EXOC7: variants seen among roughly 807,000 people sequenced by gnomAD.
EXOC7 encodes the protein exocyst complex component Exo70.
EXOC7 carries 51 observed loss-of-function variants against 87.6 expected under a neutral mutation model. The observed-to-expected ratio is 0.58, with a 90% CI of 0.46 to 0.73. The LOEUF (loss-of-function observed/expected upper bound fraction) is 0.73, where lower values mean the gene tolerates loss of function less well. Among genes scored for constraint, EXOC7 ranks in the 30% least tolerant of loss-of-function variants. The probability of loss-of-function intolerance (pLI) is 0.00; values close to 1 mark genes in which losing one functional copy is unlikely to be tolerated. For missense variants in EXOC7, 744 were observed against 888.4 expected (o/e 0.84, Z 2.07); for synonymous variants, 327 against 357.1 (o/e 0.92, Z 0.95).
Position 76,091,315 on chromosome 17 carries a change from C to A in EXOC7, c.809-80G>T, listed in dbSNP as rs991553336. ...GAAAACAGCAGCGGCCCTCCACCTG[C>A]CCCCCAGGCCCCGCACCCAGCTCCC... On this transcript the variant is annotated intron_variant, in intron 6 of 18. Coordinates refer to ENST00000589210, the MANE Select transcript of EXOC7 (RefSeq NM_001013839.4). The A allele has an allele frequency of 6.9e-6, 8 of 1,160,986 alleles. No homozygotes were observed. In the African/African-American group the frequency reaches 9.1e-5, roughly 13 times the overall value. 71.9% of individuals were successfully genotyped at this position (1,160,986 alleles called of 1,614,324 possible).
In EXOC7 at chr17:76,088,455, A is replaced by G; in HGVS notation, c.1299+9T>C. ...GGGAGGGAGGGAGAAAGGGGAGGAC[A>G]GCAGGGACCTTGATGTTGTCTGCGA... is the stretch of plus-strand genomic sequence containing the variant. On this transcript the variant is annotated intron_variant, in intron 10 of 18. Transcript: ENST00000589210. The G allele has an allele frequency of 6.2e-7, 1 of 1,612,802 alleles. No homozygotes were observed. The highest frequency in any genetic ancestry group is 8.5e-7 in the Non-Finnish European group (1 of 1,179,188).
chr17:76,084,627 A>C, intron 15 of EXOC7, 47 bp from the exon 16 acceptor site: 2 of 1,567,826 alleles, frequency 1.3e-6, no homozygotes, highest in Non-Finnish European at 1.8e-6. Flanking sequence ...GGCCTGCCTC[A>C]GTGGCCTGGC....
intron 15 of EXOC7, 114 bp downstream of exon 15, chr17:76,085,200 G>A (rs2067155235): frequency 3.6e-6 from 3 of 823,604 alleles, no homozygotes; most frequent in South Asian, 3.2e-5. Context: ...GGAGGATTAG[G>A]GTCCAGAGGA....
chr17:76,090,877 C>T (rs2067447236), intron 7 of EXOC7: 2 of 551,968 alleles, frequency 3.6e-6, no homozygotes, highest in Non-Finnish European at 6.5e-6. Flanking sequence ...TTTCTGAGTT[C>T]ACACAGGAGA....
Position 76,089,241 on chromosome 17 carries a change from C to T in EXOC7, c.981G>A (p.Glu327=). ...VSAFVKLAQS[E]YQLLADIIPE... The stretch of plus-strand genomic sequence containing the variant: ...GGATGATGTCGGCCAGCAGCTGGTA[C>T]TCGCTCTGCGCCAGCTTGACGAAGG... The change falls in exon 8 of 19, where the codon GAG becomes GAA. Residue 327 remains glutamate, a synonymous_variant. Coordinates refer to ENST00000589210, the MANE Select transcript of EXOC7 (RefSeq NM_001013839.4). 6.2e-7 allele frequency: 1 copy of T among 1,614,116 alleles called. No individual in the cohort carries two copies. The highest frequency in any genetic ancestry group is 8.5e-7 in the Non-Finnish European group (1 of 1,180,004).
At chr17:76,101,109 G>A in intron 4 of EXOC7, 162 bp downstream of exon 4, 1 of 1,245,394 alleles carries the variant, frequency 8.0e-7, no homozygotes, top group Non-Finnish European at 1.0e-6. Context: ...TAAAAAATGT[G>A]CAATTCTTGA....
chr17:76,089,086 G>A, intron 8 of EXOC7, 89 bp downstream of exon 8: 1 of 1,575,890 alleles, frequency 6.3e-7, no homozygotes, highest in Non-Finnish European at 8.6e-7. Flanking sequence ...GCACGAGGTG[G>A]TGGTGGTGGG....
intron 7 of EXOC7, 55 bp from the exon 8 acceptor site, chr17:76,089,375 C>A: frequency 6.2e-7 from 1 of 1,600,570 alleles, no homozygotes; most frequent in East Asian, 2.2e-5. Flanking sequence ...ACACTCCTGG[C>A]TGGGGGCGGC....
chr17:76,103,758 C>T lies in EXOC7; in HGVS notation c.-66G>A, dbSNP rs2068202922. ...TCCGCGGGCCCACCGGGCCCCCGTC[C>T]CCGTCACACCCACTTCCGCTCTTGG... On this transcript the variant is annotated 5_prime_UTR_variant, in exon 1 of 19. Transcript: ENST00000589210. 3.3e-6 allele frequency: 5 copies of T among 1,509,622 alleles called. No individual in the cohort carries two copies. Among genetic ancestry groups the T allele is most frequent in the Admixed American group, 2.0e-5 (1 of 49,110 alleles). The allele number at this position is 1,509,622 out of a possible 1,614,324, so 93.5% of individuals were successfully genotyped here. A position where few individuals can be genotyped will look rare whatever the true frequency, so the allele number is the denominator to read the frequency against.
At chr17:76,086,293 G>A (rs1322317190) in intron 12 of EXOC7, 148 bp from the exon 13 acceptor site, 18 of 789,922 alleles carry the variant, frequency 2.3e-5, no homozygotes, top group Admixed American at 1.4e-4. Context: ...GCCACAGGGT[G>A]GCCCCTGCCG....
rs747707246 is a variant in EXOC7 at position 76,081,506 on chromosome 17, TC to T, written c.*2141del. 7.5e-6 allele frequency: 12 copies of T among 1,609,470 alleles called. No homozygotes were observed. The highest frequency in any genetic ancestry group is 8.5e-6 in the Non-Finnish European group (10 of 1,178,410). On this transcript the variant is annotated 3_prime_UTR_variant, in exon 19 of 19. Transcript: ENST00000589210. ...CCCATGCCCCCGATGCCCACCTCCT[TC>T]CCCCCCGCCGGGAAGGCCCTGACTT...
chr17:76,094,114 GGGA>G (rs900886401), intron 6 of EXOC7: 20 of 286,922 alleles, frequency 7.0e-5, no homozygotes, highest in African/African-American at 3.9e-4. Context: ...GTGTGTGTGA[GGGA>G]GGAGGCCTAG....
intron 16 of EXOC7, 107 bp downstream of exon 16, chr17:76,084,410 C>A: frequency 6.4e-7 from 1 of 1,562,902 alleles, no homozygotes; most frequent in Non-Finnish European, 8.8e-7. Flanking sequence ...CACATGCATC[C>A]TTTGCTCTCT....
At chr17:76,091,077 G>A (rs1438141732) in intron 7 of EXOC7, 66 bp downstream of exon 7, 1 of 1,440,664 alleles carries the variant, frequency 6.9e-7, no homozygotes. Flanking sequence ...GGGAGGCTCT[G>A]CCCTGCCAAG....
Position 76,081,504 on chromosome 17 carries a change from C to T in EXOC7, c.*2144G>A, listed in dbSNP as rs1416921999. The T allele has an allele frequency of 6.2e-7, 1 of 1,610,834 alleles. No homozygotes were observed. The highest frequency in any genetic ancestry group is 1.7e-5 in the Admixed American group (1 of 59,990). Reference sequence around the variant, plus strand: ...GCCCCATGCCCCCGATGCCCACCTCCTTCCCCCCCGCCGGGAAGGCCCTGA... The same window carrying T: ...GCCCCATGCCCCCGATGCCCACCTCTTTCCCCCCCGCCGGGAAGGCCCTGA... On this transcript the variant is annotated 3_prime_UTR_variant, in exon 19 of 19. Transcript: ENST00000589210.
rs1408890445 is a variant in EXOC7, at chr17:76,081,319, G to GT, written c.*2328dup. 4 of 1,614,046 alleles carry GT rather than the reference G, an allele frequency of 2.5e-6. No individual in the cohort carries two copies. Among genetic ancestry groups the GT allele is most frequent in the African/African-American group, 1.3e-5 (1 of 74,940 alleles). ...CCAGGCCCACGTGGTGAACGAGATT[G>GT]TGAGTGTCAAGAGGGAATACGTAGT... On this transcript the variant is annotated 3_prime_UTR_variant, in exon 19 of 19. Coordinates refer to ENST00000589210, the MANE Select transcript of EXOC7 (RefSeq NM_001013839.4).
In EXOC7 at chr17:76,084,137, G is replaced by A. The variant is rs758809292; in HGVS notation, c.1821C>T (p.Gly607=). ...ACAGTTCTTCGAGGCCATCATTGAA[G>A]CCCTGGCCACCAAAAAGGTGAAAAA... ...ERQIIKERFK[G]FNDGLEELCK... is the part of the protein sequence containing the mutation. Residue 607 remains glycine (G), a splice_region_variant and synonymous_variant, in exon 18 of 19, where the codon GGC becomes GGT. Coordinates refer to ENST00000589210, the MANE Select transcript of EXOC7 (RefSeq NM_001013839.4). 6.2e-5 allele frequency: 99 copies of A among 1,597,338 alleles called. No homozygotes were observed. The highest frequency in any genetic ancestry group is 8.4e-5 in the Non-Finnish European group (98 of 1,172,520).
At chr17:76,084,429 A>G in intron 16 of EXOC7, 88 bp downstream of exon 16, 1 of 1,567,364 alleles carries the variant, frequency 6.4e-7, no homozygotes, top group Non-Finnish European at 8.8e-7. Flanking sequence ...CTGATCCCAG[A>G]GGGATGCTTG....
Position 76,088,422 on chromosome 17 carries a change from G to T in EXOC7, c.1299+42C>A, listed in dbSNP as rs774300863. 1.5e-5 allele frequency: 24 copies of T among 1,576,808 alleles called. No individual in the cohort carries two copies. The Admixed American group carries it at 2.7e-4, about 18-fold the overall frequency. On this transcript the variant is annotated intron_variant, in intron 10 of 18. Transcript: ENST00000589210. ...TCCCCCAGGGCCAGGTCACTGTGGT[G>T]CTGGGCCGGGAGGGAGGGAGAAAGG...
Sources: gnomAD v4.1 joint callset for allele counts on GRCh38, gnomAD v4.1.1 for gene constraint, MANE v1.5 for transcripts, NCBI Gene and HGNC (gene_info 2026-07-23, HGNC 2026-07-21) for gene names.